SLC36A1: variants seen among roughly 807,000 people sequenced by gnomAD.
SLC36A1 encodes the protein solute carrier family 36 member 1, also known as proton-coupled amino acid transporter 1.
A neutral mutation model predicts 47.5 loss-of-function variants in SLC36A1; 30 were observed. That is an observed-to-expected ratio of 0.63 (90% confidence interval 0.47 to 0.86). The LOEUF is 0.86. Ranked by LOEUF, SLC36A1 falls within the 40% of genes least tolerant of loss-of-function variation. SLC36A1 has a pLI of 0.00. For missense variants in SLC36A1, 517 were observed against 606.0 expected (o/e 0.85, Z 1.54); for synonymous variants, 255 against 249.7 (o/e 1.02, Z -0.20).
At chr5:151,553,041 C>A in the SLC36A1 span, 2 of 769,086 alleles carry the variant, frequency 2.6e-6, no homozygotes, top group Non-Finnish European at 4.3e-6. Context: ...AGAGGCAGTC[C>A]CCACTCCGGG....
chr5:151,486,020 C>A (rs552598763), intron 10 of SLC36A1, among the ~76,000 whole-genome samples: 1 of 152,102 alleles, frequency 6.6e-6, no homozygotes, highest in Admixed American at 6.5e-5. Context: ...GTGTGTTAGT[C>A]CATTTGCGTT....
the SLC36A1 span, chr5:151,551,493 C>T: frequency 6.2e-7 from 1 of 1,614,094 alleles, no homozygotes; most frequent in African/African-American, 1.3e-5. Flanking sequence ...CGGGACCCAT[C>T]TGTCACCTCA....
the SLC36A1 span, chr5:151,544,676 G>C: frequency 6.2e-7 from 1 of 1,613,942 alleles, no homozygotes; most frequent in African/African-American, 1.3e-5. Context: ...TGGAGGGATG[G>C]CGTTCCTCCA....
chr5:151,459,935 C>T (rs1192194292), intron 2 of SLC36A1: 1 of 152,260 alleles, frequency 6.6e-6, no homozygotes, highest in Non-Finnish European at 1.5e-5. Flanking sequence ...TGGCCCGTCA[C>T]CACCACTAGC....
chr5:151,494,930 T>A (rs553701005), downstream of SLC36A1, among the ~76,000 whole-genome samples: 3 of 152,284 alleles, frequency 2.0e-5, no homozygotes, highest in Non-Finnish European at 2.9e-5. Flanking sequence ...TATAAAAAAA[T>A]TACTATTATG....
the SLC36A1 span, among the ~76,000 whole-genome samples, chr5:151,525,286 A>ACACC: frequency 6.6e-6 from 1 of 152,184 alleles, no homozygotes; most frequent in East Asian, 1.9e-4. Context: ...TGAAACCCAT[A>ACACC]ACACCACCAC....
At chr5:151,416,881 A>G in the SLC36A1 span, among the ~76,000 whole-genome samples, 1 of 152,206 alleles carries the variant, frequency 6.6e-6, no homozygotes, top group Admixed American at 6.5e-5. Context: ...CATTTCCCCC[A>G]TGCTGTTCTC....
the SLC36A1 span, among the ~76,000 whole-genome samples, chr5:151,406,910 T>A: frequency 1.3e-5 from 2 of 152,140 alleles, no homozygotes; most frequent in African/African-American, 4.8e-5. Context: ...CGGAGTTTGT[T>A]CCTTCAGATG....
chr5:151,439,857 G>A (rs1752519755), intron 1 of SLC36A1, among the ~76,000 whole-genome samples: 1 of 152,052 alleles, frequency 6.6e-6, no homozygotes, highest in African/African-American at 2.4e-5. Context: ...TAAGGCACCA[G>A]CATGTCATAT....
the SLC36A1 span, chr5:151,545,647 T>C: frequency 1.2e-6 from 2 of 1,614,210 alleles, no homozygotes; most frequent in Non-Finnish European, 8.5e-7. Context: ...ATAATCCATC[T>C]CTGATACAAT....
the SLC36A1 span, chr5:151,505,693 A>G: frequency 6.2e-7 from 1 of 1,614,018 alleles, no homozygotes; most frequent in Non-Finnish European, 8.5e-7. Flanking sequence ...ACAGCATAAG[A>G]GGGCCCAGCT....
At position 151,489,289 on chromosome 5, in the gene SLC36A1, A is replaced by G. The variant is rs1472845267; in HGVS notation, c.*1035A>G. The stretch of plus-strand genomic sequence containing the variant: ...AGGCGTATAAAATGGGGCTGTGTGC[A>G]TGCAGGCCCATGTTTCAGCCTCAGC... On this transcript the variant is annotated 3_prime_UTR_variant, in exon 11 of 11. Transcript: ENST00000243389. The surrounding 1 kb of genome is among the most constrained non-coding windows in gnomAD (Gnocchi z 4.5). 1 of 152,612 alleles carries G rather than the reference A, an allele frequency of 6.6e-6. No homozygotes were observed. The highest frequency in any genetic ancestry group is 6.5e-5 in the Admixed American group (1 of 15,288). The allele number at this position is 152,612 out of a possible 1,614,324, so 9.5% of individuals were successfully genotyped here. A position where few individuals can be genotyped will look rare whatever the true frequency, so the allele number is the denominator to read the frequency against.
intron 4 of SLC36A1, 55 bp downstream of exon 4, chr5:151,464,657 T>A: frequency 6.7e-7 from 1 of 1,485,330 alleles, no homozygotes; most frequent in East Asian, 2.3e-5. Context: ...TGGGTTCTGT[T>A]ATCAACCCTG....
At chr5:151,394,506 GCT>G in the SLC36A1 span, among the ~76,000 whole-genome samples, 3 of 152,204 alleles carry the variant, frequency 2.0e-5, no homozygotes, top group Admixed American at 2.0e-4. Context: ...CAGCTTTTCT[GCT>G]CTGTTTTTTC....
the SLC36A1 span, among the ~76,000 whole-genome samples, chr5:151,547,895 T>C: frequency 6.6e-6 from 1 of 152,230 alleles, no homozygotes; most frequent in African/African-American, 2.4e-5. Context: ...ATGTGTTGTG[T>C]TCTTTATACA....
the SLC36A1 span, among the ~76,000 whole-genome samples, chr5:151,423,854 G>T: frequency 6.6e-6 from 1 of 152,224 alleles, no homozygotes; most frequent in Non-Finnish European, 1.5e-5. Context: ...GGTAGTGGAT[G>T]TTGATAATGG....
chr5:151,483,984 A>T (rs1451175737), intron 10 of SLC36A1, among the ~76,000 whole-genome samples: 1 of 152,232 alleles, frequency 6.6e-6, no homozygotes, highest in African/African-American at 2.4e-5. Context: ...AGGCATGTTT[A>T]TCTTATATAG....
chr5:151,392,529 G>C, the SLC36A1 span, among the ~76,000 whole-genome samples: 5 of 152,096 alleles, frequency 3.3e-5, no homozygotes, highest in Non-Finnish European at 7.4e-5. Flanking sequence ...GCTTTCTTTT[G>C]TGGGCATTTA....
rs181361583 is a variant in SLC36A1, at chr5:151,483,523, G to T, written c.1159+4034G>T. ...GCTGGGGTCTTTGTGTGTGTGGGGGGGGTGATTAGGGGAGAGTAGGGAGAG... is the reference window on the plus strand; with the variant it reads ...GCTGGGGTCTTTGTGTGTGTGGGGGTGGTGATTAGGGGAGAGTAGGGAGAG... On this transcript the variant is annotated intron_variant, in intron 10 of 10. Transcript: ENST00000243389. Among the ~76,000 whole-genome samples the T allele has an allele frequency of 1.2e-3, 169 of 144,624 alleles. 1 individual carries two copies. In the East Asian group the frequency reaches 0.014, roughly 12 times the overall value. 94.9% of individuals were successfully genotyped at this position (144,624 alleles called of 152,430 possible). A position where few individuals can be genotyped will look rare whatever the true frequency, so the allele number is the denominator to read the frequency against.
Sources: gnomAD v4.1 joint callset for allele counts (sites outside exome capture counted in the v4.1 genomes callset) on GRCh38, gnomAD v4.1.1 for gene constraint, Gnocchi (gnomAD v3.1) non-coding constraint, MANE v1.5 for transcripts, NCBI Gene and HGNC (gene_info 2026-07-23, HGNC 2026-07-21) for gene names.